Variants in ATXN1 observed in about 807,000 individuals in gnomAD.
The protein encoded by ATXN1 is ataxin-1.
In ATXN1, 8 loss-of-function variants were observed where a neutral mutation model predicts 56.4. The observed-to-expected ratio is 0.14, with a 90% CI of 0.08 to 0.26. The LOEUF (loss-of-function observed/expected upper bound fraction) is 0.26, where lower values mean the gene tolerates loss of function less well. Among genes scored for constraint, ATXN1 ranks in the 10% least tolerant of loss-of-function variants. The pLI is 1.00. For synonymous variants in ATXN1, 514 were observed against 494.6 expected (o/e 1.04, Z -0.52); for missense variants, 987 against 1,106.5 (o/e 0.89, Z 1.53).
chr6:16,616,544 A>T lies in ATXN1; in HGVS notation c.-488-30637T>A, dbSNP rs1464032522. ...GACAGAAGGAGACTGTGTCTCAAAA[A>T]ATATATATAATATATTTTATATATA... On this transcript the variant is annotated intron_variant, in intron 3 of 7. Transcript: ENST00000436367. 4.1e-5 allele frequency among the ~76,000 whole-genome samples: 6 copies of T among 146,628 alleles called. No homozygotes were observed. The East Asian group carries it at 9.7e-4, about 24-fold the overall frequency.
chr6:16,555,551 C>T lies in ATXN1; in HGVS notation c.-361+30229G>A, dbSNP rs1006481427. Among the ~76,000 whole-genome samples the T allele has an allele frequency of 5.9e-5, 9 of 152,240 alleles. No homozygotes were observed. The East Asian group carries it at 9.6e-4, about 16-fold the overall frequency. Reference sequence around the variant, plus strand: ...CCCAGAGCCCAGTGGTTCCTACAATCGGAAAATCACATAAAAGAAAGTTTT... The same window carrying T: ...CCCAGAGCCCAGTGGTTCCTACAATTGGAAAATCACATAAAAGAAAGTTTT... On this transcript the variant is annotated intron_variant, in intron 4 of 7. Coordinates refer to ENST00000436367, the MANE Select transcript of ATXN1 (RefSeq NM_001128164.2).
At chr6:16,365,621 A>G (rs1301746305) in intron 6 of ATXN1, among the ~76,000 whole-genome samples, 2 of 152,260 alleles carry the variant, frequency 1.3e-5, no homozygotes, top group African/African-American at 4.8e-5. Flanking sequence ...GAAAATCTCT[A>G]GAAACATTAT....
intron 2 of ATXN1, among the ~76,000 whole-genome samples, chr6:16,685,126 A>G (rs544294119): frequency 6.6e-6 from 1 of 151,842 alleles, no homozygotes; most frequent in African/African-American, 2.4e-5. Context: ...AGGAATTCAA[A>G]TGCTTTCACT....
chr6:16,640,363 G>A (rs1231671469), intron 3 of ATXN1, among the ~76,000 whole-genome samples: 1 of 152,078 alleles, frequency 6.6e-6, no homozygotes, highest in East Asian at 1.9e-4. Context: ...CCCTCCTCTC[G>A]GGCCTCCTTG....
At chr6:16,446,477 G>T (rs1250188289) in intron 6 of ATXN1, among the ~76,000 whole-genome samples, 2 of 152,158 alleles carry the variant, frequency 1.3e-5, no homozygotes, top group African/African-American at 4.8e-5. Flanking sequence ...CTTACTCGGG[G>T]CACTTCTCAA....
chr6:16,395,270 C>CAAAAAAAAAAAAAAAAAAAAAAA (rs748314030), intron 6 of ATXN1, among the ~76,000 whole-genome samples: 5 of 48,452 alleles, frequency 1.0e-4, no homozygotes, highest in African/African-American at 3.6e-4. Flanking sequence ...AACTCCGTCT[C>CAAAAAAAAAAAAAAAAAAAAAAA]AAAAAAAAAA....
intron 7 of ATXN1, among the ~76,000 whole-genome samples, chr6:16,312,045 G>A (rs1456684513): frequency 1.3e-5 from 2 of 152,186 alleles, no homozygotes; most frequent in Non-Finnish European, 2.9e-5. Flanking sequence ...CCCTTGGTGT[G>A]TGAGCCACAT....
chr6:16,380,746 A>G (rs1258474093), intron 6 of ATXN1, among the ~76,000 whole-genome samples: 1 of 152,106 alleles, frequency 6.6e-6, no homozygotes, highest in Non-Finnish European at 1.5e-5. Flanking sequence ...CTTGACACTC[A>G]TCTCCCCAAA....
At chr6:16,594,623 C>T (rs527636463) in intron 3 of ATXN1, among the ~76,000 whole-genome samples, 1 of 152,212 alleles carries the variant, frequency 6.6e-6, no homozygotes, top group East Asian at 1.9e-4. Context: ...TCTGGGACTA[C>T]AGGTGCGCAC....
intron 4 of ATXN1, among the ~76,000 whole-genome samples, chr6:16,552,482 T>C (rs1163440199): frequency 2.0e-5 from 3 of 152,222 alleles, no homozygotes; most frequent in African/African-American, 7.2e-5. Flanking sequence ...AGCACCTTCA[T>C]TCACACAGTG....
chr6:16,408,752 C>A, intron 6 of ATXN1, among the ~76,000 whole-genome samples: 1 of 152,156 alleles, frequency 6.6e-6, no homozygotes, highest in East Asian at 1.9e-4. Flanking sequence ...TTTTAAAAAA[C>A]CTGTTTTTTA....
At chr6:16,355,976 A>G (rs1172913691) in intron 6 of ATXN1, among the ~76,000 whole-genome samples, 1 of 152,062 alleles carries the variant, frequency 6.6e-6, no homozygotes, top group Non-Finnish European at 1.5e-5. Flanking sequence ...TGAAGGGCTG[A>G]CTCTGGGCAT....
chr6:16,594,185 CT>C (rs1762774449), intron 3 of ATXN1, among the ~76,000 whole-genome samples: 1 of 148,734 alleles, frequency 6.7e-6, no homozygotes, highest in Non-Finnish European at 1.5e-5. Context: ...TGTTGACGAC[CT>C]TTAAAATTTT....
chr6:16,684,258 T>C (rs185600689), intron 2 of ATXN1, among the ~76,000 whole-genome samples: 1 of 152,328 alleles, frequency 6.6e-6, no homozygotes, highest in East Asian at 1.9e-4. Flanking sequence ...GGATTCTTTA[T>C]GGGAGACCAA....
At chr6:16,693,001 G>A (rs1469049541) in intron 2 of ATXN1, among the ~76,000 whole-genome samples, 1 of 152,130 alleles carries the variant, frequency 6.6e-6, no homozygotes, top group Non-Finnish European at 1.5e-5. Flanking sequence ...CATGGGCTCT[G>A]GAGCCAAAGC....
chr6:16,636,900 C>A (rs9367922), intron 3 of ATXN1, among the ~76,000 whole-genome samples: 35,489 of 152,060 alleles, frequency 0.23, 4,376 homozygotes, highest in East Asian at 0.49. Context: ...TGTTGGTGGG[C>A]CTGCAAACTA....
intron 3 of ATXN1, among the ~76,000 whole-genome samples, chr6:16,639,548 A>T (rs1401606525): frequency 6.6e-6 from 1 of 152,186 alleles, no homozygotes; most frequent in Admixed American, 6.5e-5. Context: ...TCCCAACCTC[A>T]GGTGATTCGC....
intron 6 of ATXN1, among the ~76,000 whole-genome samples, chr6:16,441,702 A>T (rs79567385): frequency 0.035 from 5,390 of 152,304 alleles, 293 homozygotes; most frequent in African/African-American, 0.12. Flanking sequence ...GAATTTGAAG[A>T]AAACGAAAAA....
At chr6:16,641,106 G>A (rs1290944253) in intron 3 of ATXN1, among the ~76,000 whole-genome samples, 1 of 152,098 alleles carries the variant, frequency 6.6e-6, no homozygotes, top group Non-Finnish European at 1.5e-5. Context: ...AGAGAGGTGA[G>A]GAACTTGGAG....
Sources: gnomAD v4.1 joint callset for allele counts (sites outside exome capture counted in the v4.1 genomes callset) on GRCh38, gnomAD v4.1.1 for gene constraint, MANE v1.5 for transcripts, NCBI Gene and HGNC (gene_info 2026-07-23, HGNC 2026-07-21) for gene names.